SYNJ2BP: variants seen among roughly 807,000 people sequenced by gnomAD.
SYNJ2BP encodes the protein synaptojanin 2 binding protein, also known as synaptojanin-2-binding protein.
In SYNJ2BP, 10 loss-of-function variants were observed where a neutral mutation model predicts 16.9. That is an observed-to-expected ratio of 0.59 (90% CI 0.36 to 1.00). The LOEUF (loss-of-function observed/expected upper bound fraction) is 1.00. Ranked by LOEUF, SYNJ2BP falls within the 50% of genes least tolerant of loss-of-function variation. The pLI is 0.01. For missense variants in SYNJ2BP, 162 were observed against 186.7 expected, an observed-to-expected ratio of 0.87 and a Z score of 0.77; for synonymous variants, 54 against 68.4, an observed-to-expected ratio of 0.79 and a Z score of 1.04.
At position 70,372,869 on chromosome 14, in the gene SYNJ2BP, G is replaced by C. The variant is rs1197958668; in HGVS notation, c.*122C>G. ...TGGAGACTGTGAACAGCAAGGTTTG[G>C]GGTGGGTATCAGTCACTTCAAATCT... is the stretch of plus-strand genomic sequence containing the variant. On this transcript the variant is annotated 3_prime_UTR_variant, in exon 4 of 4. Coordinates refer to ENST00000256366, the MANE Select transcript of SYNJ2BP (RefSeq NM_018373.3). The C allele has an allele frequency of 1.4e-6, 2 of 1,399,490 alleles. No homozygotes were observed. Among genetic ancestry groups the C allele is most frequent in the African/African-American group, 2.9e-5 (2 of 68,776 alleles). The allele number at this position is 1,399,490 out of a possible 1,614,324, so 86.7% of individuals were successfully genotyped here.
In SYNJ2BP at chr14:70,367,905, A is replaced by G. The variant is rs981696255; in HGVS notation, c.*5086T>C. The G allele has an allele frequency of 2.6e-5, 4 of 152,200 alleles. No homozygotes were observed. The highest frequency in any genetic ancestry group is 2.6e-4 in the Admixed American group (4 of 15,272). The allele number at this position is 152,200 out of a possible 1,614,324, so 9.4% of individuals were successfully genotyped here. ...GTGACTAAGTGTTATTTATCTCTCTATCTTCGGCACCTAGCACATAGTAGG... is the reference window on the plus strand; with the variant it reads ...GTGACTAAGTGTTATTTATCTCTCTGTCTTCGGCACCTAGCACATAGTAGG... On this transcript the variant is annotated 3_prime_UTR_variant, in exon 4 of 4. Coordinates refer to ENST00000256366, the MANE Select transcript of SYNJ2BP (RefSeq NM_018373.3).
intron 1 of SYNJ2BP, among the ~76,000 whole-genome samples, chr14:70,405,624 T>C (rs1013536792): frequency 6.6e-6 from 1 of 152,192 alleles, no homozygotes; most frequent in African/African-American, 2.4e-5. Flanking sequence ...ACTGATCTGC[T>C]CTTTAATAGA....
chr14:70,381,942 AG>A lies in SYNJ2BP; in HGVS notation c.202-6172del, dbSNP rs557921727. Among the ~76,000 whole-genome samples, 532 of 152,338 alleles carry A rather than the reference AG, an allele frequency of 3.5e-3. 2 individuals carry two copies. The highest frequency in any genetic ancestry group is 0.012 in the African/African-American group (507 of 41,574). ...ATTGTGAAATCAATCCAGTGGGTCA[AG>A]ACCAGTTGTTTGGCCGGGCGCGGTG... On this transcript the variant is annotated intron_variant, in intron 2 of 3. Coordinates refer to ENST00000256366, the MANE Select transcript of SYNJ2BP (RefSeq NM_018373.3).
rs1474936348 is a variant in SYNJ2BP, at chr14:70,368,015, C to A, written c.*4976G>T. ...TCACTAAAATTGACTATAATAAAAT[C>A]TGTATGGGCTCCACATGAAAACTAC... On this transcript the variant is annotated 3_prime_UTR_variant, in exon 4 of 4. Transcript: ENST00000256366. The A allele has an allele frequency of 6.6e-6, 1 of 152,168 alleles. No individual in the cohort carries two copies. The highest frequency in any genetic ancestry group is 6.5e-5 in the Admixed American group (1 of 15,280). The allele number at this position is 152,168 out of a possible 1,614,324, so 9.4% of individuals were successfully genotyped here. A position where few individuals can be genotyped will look rare whatever the true frequency, so the allele number is the denominator to read the frequency against.
At chr14:70,406,789 C>A (rs1438973440) in intron 1 of SYNJ2BP, among the ~76,000 whole-genome samples, 1 of 152,160 alleles carries the variant, frequency 6.6e-6, no homozygotes, top group Non-Finnish European at 1.5e-5. Flanking sequence ...CAGTGATCCC[C>A]ACTTTCCAAC....
chr14:70,377,310 C>T (rs960029028), intron 2 of SYNJ2BP, among the ~76,000 whole-genome samples: 3 of 152,136 alleles, frequency 2.0e-5, no homozygotes, highest in South Asian at 4.1e-4. Context: ...CAGTCCTGGG[C>T]CATATTCTGC....
intron 1 of SYNJ2BP, among the ~76,000 whole-genome samples, chr14:70,410,995 G>A (rs1413847374): frequency 6.6e-6 from 1 of 151,228 alleles, no homozygotes. Flanking sequence ...ATGTACCCCT[G>A]AACCTAAAAT....
chr14:70,400,296 A>G (rs1323331337), intron 1 of SYNJ2BP, among the ~76,000 whole-genome samples: 1 of 152,240 alleles, frequency 6.6e-6, no homozygotes, highest in Non-Finnish European at 1.5e-5. Context: ...CAATAACCCA[A>G]TACGATAACC....
At chr14:70,376,098 C>A (rs1053569168) in intron 2 of SYNJ2BP, among the ~76,000 whole-genome samples, 5 of 152,216 alleles carry the variant, frequency 3.3e-5, no homozygotes, top group Non-Finnish European at 5.9e-5. Flanking sequence ...TGAGTGTTAA[C>A]CTGCTTCCTT....
chr14:70,394,489 A>C (rs1888048724), intron 1 of SYNJ2BP, among the ~76,000 whole-genome samples: 1 of 149,708 alleles, frequency 6.7e-6, no homozygotes, highest in South Asian at 2.1e-4. Flanking sequence ...TGAATGAATG[A>C]AGAGCTTAGT....
chr14:70,397,652 G>A (rs548348253), intron 1 of SYNJ2BP, among the ~76,000 whole-genome samples: 98 of 152,300 alleles, frequency 6.4e-4, no homozygotes, highest in African/African-American at 1.9e-3. Context: ...GCCAGGAACC[G>A]TAGGGTCCCA....
At chr14:70,383,972 T>C (rs1449065001) in intron 2 of SYNJ2BP, among the ~76,000 whole-genome samples, 3 of 151,990 alleles carry the variant, frequency 2.0e-5, no homozygotes, top group African/African-American at 4.8e-5. Context: ...TTTTTTTTTT[T>C]TTTGAGATGG....
intron 1 of SYNJ2BP, among the ~76,000 whole-genome samples, chr14:70,402,044 C>A (rs576348762): frequency 1.3e-5 from 2 of 152,162 alleles, no homozygotes; most frequent in Admixed American, 6.5e-5. Flanking sequence ...ACGACTCAGA[C>A]CCCTCAAGGA....
At chr14:70,412,349 G>A (rs764409395) in intron 1 of SYNJ2BP, among the ~76,000 whole-genome samples, 3 of 151,836 alleles carry the variant, frequency 2.0e-5, no homozygotes. Flanking sequence ...GAAATTTACT[G>A]GCATTAGAAA....
At chr14:70,396,413 G>A (rs541677177) in intron 1 of SYNJ2BP, among the ~76,000 whole-genome samples, 5 of 152,010 alleles carry the variant, frequency 3.3e-5, no homozygotes, top group South Asian at 4.1e-4. Flanking sequence ...CACCGCGCCC[G>A]GTCCCTTCTT....
chr14:70,389,343 T>C (rs1035218435), intron 1 of SYNJ2BP, among the ~76,000 whole-genome samples: 28 of 151,756 alleles, frequency 1.8e-4, no homozygotes, highest in African/African-American at 6.1e-4. Flanking sequence ...TTATGTATGA[T>C]AGTGCTTTAG....
In SYNJ2BP at chr14:70,378,085, C is replaced by T. The variant is rs1186309874; in HGVS notation, c.202-2314G>A. Among the ~76,000 whole-genome samples, 4 of 123,152 alleles carry T rather than the reference C, an allele frequency of 3.2e-5. No individual in the cohort carries two copies. The Admixed American group carries it at 3.4e-4, about 11-fold the overall frequency. 80.8% of individuals were successfully genotyped at this position (123,152 alleles called of 152,430 possible). ...CTTTTGTAATTTTCTCCTATCTTGGCATATGAACACTTAGCATTCTTTGTT... is the reference window on the plus strand; with the variant it reads ...CTTTTGTAATTTTCTCCTATCTTGGTATATGAACACTTAGCATTCTTTGTT... On this transcript the variant is annotated intron_variant, in intron 2 of 3. Transcript: ENST00000256366.
At chr14:70,411,766 C>A (rs920566229) in intron 1 of SYNJ2BP, among the ~76,000 whole-genome samples, 9 of 152,228 alleles carry the variant, frequency 5.9e-5, no homozygotes, top group African/African-American at 2.2e-4. Flanking sequence ...ACTTTCCCAA[C>A]ACAGGGTCAG....
rs1887482439 is a variant in SYNJ2BP at position 70,369,938 on chromosome 14, A to G, written c.*3053T>C. 2 of 152,240 alleles carry G rather than the reference A, an allele frequency of 1.3e-5. No homozygotes were observed. Among genetic ancestry groups the G allele is most frequent in the African/African-American group, 2.4e-5 (1 of 41,460 alleles). The allele number at this position is 152,240 out of a possible 1,614,324, so 9.4% of individuals were successfully genotyped here. A position where few individuals can be genotyped will look rare whatever the true frequency, so the allele number is the denominator to read the frequency against. ...ATCTATAGAAGAAATATTAGACTCA[A>G]TCTATGAAGAACATGAATTTTTTTA... On this transcript the variant is annotated 3_prime_UTR_variant, in exon 4 of 4. Coordinates refer to ENST00000256366, the MANE Select transcript of SYNJ2BP (RefSeq NM_018373.3).
Sources: gnomAD v4.1 joint callset for allele counts (sites outside exome capture counted in the v4.1 genomes callset) on GRCh38, gnomAD v4.1.1 for gene constraint, MANE v1.5 for transcripts, NCBI Gene and HGNC (gene_info 2026-07-23, HGNC 2026-07-21) for gene names.